RASGRP4: variants seen among roughly 807,000 people sequenced by gnomAD.
RASGRP4 encodes the protein RAS guanyl-releasing protein 4.
Under a neutral mutation model 84.4 loss-of-function variants are expected in RASGRP4, and 52 were observed. The observed-to-expected ratio is 0.62, with a 90% CI of 0.49 to 0.78. RASGRP4 has a LOEUF of 0.78. Ranked by LOEUF, RASGRP4 falls within the 30% of genes least tolerant of loss-of-function variation. The pLI, the probability that RASGRP4 is intolerant of heterozygous loss-of-function variation, is 0.00. For synonymous variants in RASGRP4, 356 were observed against 359.1 expected, an observed-to-expected ratio of 0.99 and a Z score of 0.10; for missense variants, 760 against 886.9, an observed-to-expected ratio of 0.86 and a Z score of 1.82.
chr19:38,422,050 T>C lies in RASGRP4; in HGVS notation c.127A>G (p.Met43Val), dbSNP rs1219133538. The change falls in exon 2 of 17, where the codon ATG becomes GTG. Residue 43 changes from methionine to valine, a missense_variant. Physicochemically the swap from Met to Val is conservative, Grantham distance 21. Coordinates refer to ENST00000615439, the MANE Select transcript of RASGRP4 (RefSeq NM_170604.3). Reference sequence around the variant, plus strand: ...AGCAGGCCCAGGTTCATGGAAGCCATGACCTTGCTGATTTCCCGAGGGCTG... The same window carrying C: ...AGCAGGCCCAGGTTCATGGAAGCCACGACCTTGCTGATTTCCCGAGGGCTG... ...CPSPREISKV[M>V]ASMNLGLLSE... 5 of 1,613,810 alleles carry C rather than the reference T, an allele frequency of 3.1e-6. No individual in the cohort carries two copies. Among genetic ancestry groups the C allele is most frequent in the East Asian group, 4.5e-5 (2 of 44,882 alleles).
chr19:38,422,272 AG>A, intron 1 of RASGRP4, 119 bp from the exon 2 acceptor site: 1 of 899,592 alleles, frequency 1.1e-6, no homozygotes. Context: ...GCAAAGCCCC[AG>A]GGTTACCCCT....
At chr19:38,421,451 C>G (rs1363035927) in intron 2 of RASGRP4, among the ~76,000 whole-genome samples, 1 of 152,190 alleles carries the variant, frequency 6.6e-6, no homozygotes, top group African/African-American at 2.4e-5. Flanking sequence ...GTGGCTCACA[C>G]CTGTAATCCC....
In RASGRP4 at chr19:38,413,054, A is replaced by G; in HGVS notation, c.1417-5T>C. The G allele has an allele frequency of 6.2e-7, 1 of 1,611,914 alleles. No homozygotes were observed. The highest frequency in any genetic ancestry group is 8.5e-7 in the Non-Finnish European group (1 of 1,177,984). ...GTCATAATTCTTGAACACAGACTTC[A>G]GAGGAGTGTGGGGAAGCAGATAAGG... On this transcript the variant is annotated splice_polypyrimidine_tract_variant and splice_region_variant and intron_variant, in intron 11 of 16. Transcript: ENST00000615439. The surrounding 1 kb of genome is among the most constrained non-coding windows in gnomAD (Gnocchi z 4.7).
At position 38,411,358 on chromosome 19, in the gene RASGRP4, G is replaced by A; in HGVS notation, c.1704C>T (p.Gly568=). The A allele has an allele frequency of 6.3e-7, 1 of 1,594,514 alleles. No homozygotes were observed. Among genetic ancestry groups the A allele is most frequent in the Admixed American group, 1.7e-5 (1 of 57,188 alleles). ...CACCCCACTCACCCCGACAGCGGTA[G>A]CCTTGCTTGGTGACACCCCAGAGCT... ...SGFLWGVTKQ[G]YRCRECGLCC... is the part of the protein sequence containing the mutation. The change falls in exon 14 of 17, where the codon GGC becomes GGT. Residue 568 remains glycine (G), a synonymous_variant. Transcript: ENST00000615439.
In RASGRP4 at chr19:38,417,166, C is replaced by G. The variant is rs781440593; in HGVS notation, c.840G>C (p.Arg280Ser). 3 of 1,552,984 alleles carry G rather than the reference C, an allele frequency of 1.9e-6. No individual in the cohort carries two copies. The highest frequency in any genetic ancestry group is 3.9e-5 in the Admixed American group (2 of 51,268). The change falls in exon 8 of 17, where the codon AGG becomes AGC. Residue 280 changes from arginine (R) to serine (S), a missense_variant and splice_region_variant. Transcript: ENST00000615439. The surrounding 1 kb of genome is among the most constrained non-coding windows in gnomAD (Gnocchi z 5.1). ...TGTTGAAATTCTGCAGCTGGTGGAG[C>G]CTCTAGGAAGAGAAGCATGCACACA... ...VLDKFIHVAQRLHQLQNFNTL... is the reference protein window; with the variant it reads ...VLDKFIHVAQSLHQLQNFNTL...
Position 38,420,118 on chromosome 19 carries a change from A to G in RASGRP4, c.509+13T>C. ...GATGGGGCAGGGAAGAGGGGAGCACAGGGCTGACTCACAGGTCAGAAGAGT... is the reference window on the plus strand; with the variant it reads ...GATGGGGCAGGGAAGAGGGGAGCACGGGGCTGACTCACAGGTCAGAAGAGT... On this transcript the variant is annotated intron_variant, in intron 5 of 16. Transcript: ENST00000615439. 1 of 1,611,472 alleles carries G rather than the reference A, an allele frequency of 6.2e-7. No homozygotes were observed. Among genetic ancestry groups the G allele is most frequent in the Non-Finnish European group, 8.5e-7 (1 of 1,178,590 alleles).
In RASGRP4 at chr19:38,412,907, G is replaced by A. The variant is rs759810065; in HGVS notation, c.1535+24C>T. The A allele has an allele frequency of 1.2e-6, 2 of 1,613,364 alleles. No individual in the cohort carries two copies. On this transcript the variant is annotated intron_variant, in intron 12 of 16. Coordinates refer to ENST00000615439, the MANE Select transcript of RASGRP4 (RefSeq NM_170604.3). The surrounding 1 kb of genome is among the most constrained non-coding windows in gnomAD (Gnocchi z 4.6). The stretch of plus-strand genomic sequence containing the variant: ...AACCCCAGTGTCCTCATCTTCGGAG[G>A]ATCCAGGAGTCACAACCACTTACCC...
In RASGRP4 at chr19:38,409,128, G is replaced by A. The variant is rs1026136891; in HGVS notation, c.*912C>T. On this transcript the variant is annotated 3_prime_UTR_variant, in exon 17 of 17. Transcript: ENST00000615439. Reference sequence around the variant, plus strand: ...GTGGGGGCCAAGTCAGGGGTGTTGGGGTTTGTGAAGGGGTTGGGGGGGTCT... The same window carrying A: ...GTGGGGGCCAAGTCAGGGGTGTTGGAGTTTGTGAAGGGGTTGGGGGGGTCT... 2 of 361,436 alleles carry A rather than the reference G, an allele frequency of 5.5e-6. No homozygotes were observed. The highest frequency in any genetic ancestry group is 9.8e-6 in the Non-Finnish European group (2 of 204,370). 22.4% of individuals were successfully genotyped at this position (361,436 alleles called of 1,614,324 possible).
intron 8 of RASGRP4, among the ~76,000 whole-genome samples, chr19:38,415,357 T>C (rs987821230): frequency 2.0e-5 from 3 of 151,550 alleles, no homozygotes; most frequent in African/African-American, 7.3e-5. Flanking sequence ...TTCTTTTATC[T>C]TTCTTTCTTT....
rs75203827 is a variant in RASGRP4, at chr19:38,413,412, C to A, written c.1293G>T (p.Pro431=). 0.027 allele frequency: 43,518 copies of A among 1,608,094 alleles called. 720 individuals are homozygous for A. The highest frequency in any genetic ancestry group is 0.071 in the Middle Eastern group (429 of 6,048). The change falls in exon 10 of 17, where the codon CCG becomes CCT. Residue 431 remains proline, a synonymous_variant. Transcript: ENST00000615439. This position sits in a 1 kb window ranked among gnomAD's most constrained non-coding sequence, Gnocchi z 4.7. ...GTCTCACCAGGCTCTTGGGACAACG[C>A]GGCTCCCGGGCATAAGAAAGCTCAT... ...EIYELSYARE[P]RCPKSLPPSP...
At position 38,412,547 on chromosome 19, in the gene RASGRP4, G is replaced by A; in HGVS notation, c.1680+125C>T. 1 of 895,188 alleles carries A rather than the reference G, an allele frequency of 1.1e-6. No individual in the cohort carries two copies. Among genetic ancestry groups the A allele is most frequent in the African/African-American group, 1.7e-5 (1 of 59,634 alleles). 55.5% of individuals were successfully genotyped at this position (895,188 alleles called of 1,614,324 possible). A position where few individuals can be genotyped will look rare whatever the true frequency, so the allele number is the denominator to read the frequency against. ...ATATAGGGAATGTCTGGTGTTTAGG[G>A]TTTATATGAAACAGGATGATTTGAA... is the stretch of plus-strand genomic sequence containing the variant. On this transcript the variant is annotated intron_variant, in intron 13 of 16. Coordinates refer to ENST00000615439, the MANE Select transcript of RASGRP4 (RefSeq NM_170604.3). This position sits in a 1 kb window ranked among gnomAD's most constrained non-coding sequence, Gnocchi z 4.6.
At position 38,418,430 on chromosome 19, in the gene RASGRP4, C is replaced by T. The variant is rs1445149713; in HGVS notation, c.798G>A (p.Gln266=). ...VMVLSRPGPL[Q]RAQVLDKFIH... ...TGAACTTGTCCAGCACCTGTGCACG[C>T]TGTAGGGGCCCGGGACGGCTCAGCA... Residue 266 remains glutamine (Q), a synonymous_variant, in exon 7 of 17, where the codon CAG becomes CAA. Transcript: ENST00000615439. The surrounding 1 kb of genome is among the most constrained non-coding windows in gnomAD (Gnocchi z 4.6). The T allele has an allele frequency of 1.2e-6, 2 of 1,605,998 alleles. No homozygotes were observed. The highest frequency in any genetic ancestry group is 1.7e-6 in the Non-Finnish European group (2 of 1,176,796).
In RASGRP4 at chr19:38,411,256, G is replaced by T. The variant is rs776102633; in HGVS notation, c.1718-7C>A. The T allele has an allele frequency of 7.4e-6, 12 of 1,613,822 alleles. No homozygotes were observed. The highest frequency in any genetic ancestry group is 5.0e-5 in the Admixed American group (3 of 59,982). ...TGGCAACACAGCCCGCACTCTGGGG[G>T]AAGGCAGCGGCAGGGGTCCGATCTG... On this transcript the variant is annotated splice_polypyrimidine_tract_variant and splice_region_variant and intron_variant, in intron 14 of 16. Transcript: ENST00000615439.
chr19:38,410,561 C>T (rs763932817), intron 16 of RASGRP4, among the ~76,000 whole-genome samples: 7 of 151,812 alleles, frequency 4.6e-5, no homozygotes, highest in Admixed American at 6.6e-5. Flanking sequence ...TACAGGCACC[C>T]GCCATCACAC....
At position 38,412,083 on chromosome 19, in the gene RASGRP4, TTTGTTGTTGTTG is replaced by T. The variant is rs56791891; in HGVS notation, c.1680+577_1680+588del. Among the ~76,000 whole-genome samples the T allele has an allele frequency of 0.023, 2,902 of 128,760 alleles. 63 individuals are homozygous for T. Among genetic ancestry groups the T allele is most frequent in the African/African-American group, 0.074 (2,146 of 28,908 alleles). The allele number at this position is 128,760 out of a possible 152,430, so 84.5% of individuals were successfully genotyped here. A position where few individuals can be genotyped will look rare whatever the true frequency, so the allele number is the denominator to read the frequency against. On this transcript the variant is annotated intron_variant, in intron 13 of 16. Transcript: ENST00000615439. The surrounding 1 kb of genome is among the most constrained non-coding windows in gnomAD (Gnocchi z 4.6). Reference sequence around the variant, plus strand: ...CTACCCGGTTTGGAGATTATCCAGGTTTGTTGTTGTTGTTGTTGTTGTTGTTGTTGTTGTTGT... The same window carrying T: ...CTACCCGGTTTGGAGATTATCCAGGTTTGTTGTTGTTGTTGTTGTTGTTGT...
intron 9 of RASGRP4, among the ~76,000 whole-genome samples, chr19:38,414,253 C>G (rs1183363417): frequency 1.3e-5 from 2 of 151,294 alleles, no homozygotes; most frequent in African/African-American, 4.9e-5. Flanking sequence ...ATTCTTTGAA[C>G]GATGTCATTG....
At position 38,413,457 on chromosome 19, in the gene RASGRP4, G is replaced by T; in HGVS notation, c.1248C>A (p.Phe416Leu). 6.3e-7 allele frequency: 1 copy of T among 1,599,874 alleles called. No homozygotes were observed. Among genetic ancestry groups the T allele is most frequent in the Admixed American group, 1.7e-5 (1 of 57,626 alleles). The change falls in exon 10 of 17, where the codon TTC (phenylalanine) becomes TTA (leucine). Residue 416 changes from phenylalanine to leucine, a missense_variant. Coordinates refer to ENST00000615439, the MANE Select transcript of RASGRP4 (RefSeq NM_170604.3). The surrounding 1 kb of genome is among the most constrained non-coding windows in gnomAD (Gnocchi z 4.7). ...LHLLTLSLDL[F>L]YTEDEIYELS... ...GCTCATAGATCTCGTCTTCCGTGTA[G>T]AAGAGGTCCAGGGAGAGCTGGAGCA... is the stretch of plus-strand genomic sequence containing the variant.
intron 16 of RASGRP4, among the ~76,000 whole-genome samples, chr19:38,410,596 A>G (rs1971198361): frequency 6.6e-6 from 1 of 152,020 alleles, no homozygotes; most frequent in Non-Finnish European, 1.5e-5. Context: ...TATTTTTAGT[A>G]GAGATAGGGT....
At position 38,420,851 on chromosome 19, in the gene RASGRP4, G is replaced by C. The variant is rs951170727; in HGVS notation, c.377+57C>G. 2.0e-6 allele frequency: 3 copies of C among 1,538,346 alleles called. No individual in the cohort carries two copies. In the Admixed American group the frequency reaches 5.0e-5, roughly 26 times the overall value. Reference sequence around the variant, plus strand: ...GATTCTCTGAGGAATGTTTTTTGAGGGGGAAGCAGGATGGAAGTCGTGGGT... The same window carrying C: ...GATTCTCTGAGGAATGTTTTTTGAGCGGGAAGCAGGATGGAAGTCGTGGGT... On this transcript the variant is annotated intron_variant, in intron 4 of 16. Transcript: ENST00000615439.
Sources: allele counts gnomAD v4.1 joint callset (sites outside exome capture counted in the v4.1 genomes callset), GRCh38; gene constraint gnomAD v4.1.1; non-coding constraint Gnocchi (gnomAD v3.1); transcripts MANE v1.5; gene names NCBI Gene and HGNC (gene_info 2026-07-23, HGNC 2026-07-21).